UBN2: variants seen among roughly 807,000 people sequenced by gnomAD.
UBN2 encodes the protein ubinuclein-2.
UBN2 carries 35 observed loss-of-function variants against 120.2 expected under a neutral mutation model. The ratio of observed to expected loss-of-function variants is 0.29; its 90% CI spans 0.22 to 0.39. The LOEUF (loss-of-function observed/expected upper bound fraction) is 0.39, where lower values mean the gene tolerates loss of function less well. Ranked by LOEUF, UBN2 falls within the 10% of genes least tolerant of loss-of-function variation. The probability of loss-of-function intolerance (pLI) is 1.00; values close to 1 mark genes in which losing one functional copy is unlikely to be tolerated. For synonymous variants in UBN2, 661 were observed against 648.7 expected (o/e 1.02, Z -0.29); for missense variants, 1,693 against 1,663.2 (o/e 1.02, Z -0.31).
rs545165259 is a variant in UBN2 at position 139,302,044 on chromosome 7, C to T, written c.*4208C>T. The T allele has an allele frequency of 6.6e-6, 1 of 152,212 alleles. No homozygotes were observed. The highest frequency in any genetic ancestry group is 6.5e-5 in the Admixed American group (1 of 15,292). 9.4% of individuals were successfully genotyped at this position (152,212 alleles called of 1,614,324 possible). A position where few individuals can be genotyped will look rare whatever the true frequency, so the allele number is the denominator to read the frequency against. On this transcript the variant is annotated 3_prime_UTR_variant, in exon 18 of 18. Coordinates refer to ENST00000473989, the MANE Select transcript of UBN2 (RefSeq NM_173569.4). ...CTCTGGTAAAATGCTTATATTACTC[C>T]TCTAAAACATGCTCAATTCAGGCCT...
chr7:139,262,135 G>A (rs1027417148), intron 6 of UBN2, among the ~76,000 whole-genome samples: 2 of 151,364 alleles, frequency 1.3e-5, no homozygotes, highest in African/African-American at 2.4e-5. Context: ...GCCTTGCTCC[G>A]TCGTCACACA....
the UBN2 span, among the ~76,000 whole-genome samples, chr7:139,326,885 T>C: frequency 6.6e-6 from 1 of 152,286 alleles, no homozygotes; most frequent in East Asian, 1.9e-4. Context: ...CCTGGGATTG[T>C]TTTCACTGAA....
In UBN2 at chr7:139,283,791, C is replaced by G. The variant is rs758714306; in HGVS notation, c.2886C>G (p.Pro962=). Residue 962 remains proline, a synonymous_variant, in exon 15 of 18, where the codon CCC becomes CCG. Coordinates refer to ENST00000473989, the MANE Select transcript of UBN2 (RefSeq NM_173569.4). ...TNPVVKLSNN[P]QLSCSSSLIK... The stretch of plus-strand genomic sequence containing the variant: ...CCGTCGTGAAGTTAAGTAATAATCC[C>G]CAACTCTCCTGTTCCTCCTCACTTA... The G allele has an allele frequency of 1.9e-5, 30 of 1,613,952 alleles. No homozygotes were observed. The highest frequency in any genetic ancestry group is 2.5e-5 in the Non-Finnish European group (30 of 1,180,028).
At chr7:139,276,289 T>G in intron 12 of UBN2, 142 bp downstream of exon 12, 1 of 776,074 alleles carries the variant, frequency 1.3e-6, no homozygotes, top group Non-Finnish European at 2.2e-6. Flanking sequence ...TCAGAACACA[T>G]TTATCTATTG....
At chr7:139,237,171 G>A in intron 2 of UBN2, 74 bp downstream of exon 2, 2 of 1,034,506 alleles carry the variant, frequency 1.9e-6, no homozygotes, top group Non-Finnish European at 2.9e-6. Context: ...TGGTTGGGAG[G>A]GCCTATAAAT....
rs1796007663 is a variant in UBN2, at chr7:139,231,512, A to G, written c.28A>G (p.Ile10Val). ...GGCGGAGCCGCGCAGAGTAGCGTTC[A>G]TTAGCTTGTCACCGGTGCGGCGGCG... Reference protein sequence around the residue: MAEPRRVAFISLSPVRRREA... With the variant: MAEPRRVAFVSLSPVRRREA... Residue 10 changes from isoleucine (I) to valine (V), a missense_variant, in exon 1 of 18, where the codon ATT becomes GTT. Physicochemically the swap from Ile to Val is conservative, Grantham distance 29 (BLOSUM62 3). Around this residue, in one of 5 missense-constraint regions of UBN2, gnomAD observed 663 missense variants for 591.2 expected, o/e 1.12. Coordinates refer to ENST00000473989, the MANE Select transcript of UBN2 (RefSeq NM_173569.4). 2.1e-6 allele frequency: 3 copies of G among 1,417,398 alleles called. No homozygotes were observed. The highest frequency in any genetic ancestry group is 1.5e-5 in the African/African-American group (1 of 67,418). The allele number at this position is 1,417,398 out of a possible 1,614,324, so 87.8% of individuals were successfully genotyped here. A position where few individuals can be genotyped will look rare whatever the true frequency, so the allele number is the denominator to read the frequency against.
chr7:139,327,182 T>C, the UBN2 span, among the ~76,000 whole-genome samples: 1 of 152,094 alleles, frequency 6.6e-6, no homozygotes, highest in Non-Finnish European at 1.5e-5. Context: ...TACAGGCATG[T>C]GCCACCACAC....
At chr7:139,232,069 G>C (rs1796035901) in intron 1 of UBN2, 117 bp downstream of exon 1, 2 of 950,970 alleles carry the variant, frequency 2.1e-6, no homozygotes, top group Non-Finnish European at 3.0e-6. Context: ...CCCCGAGGGT[G>C]GGGTGCGGGG....
At position 139,254,242 on chromosome 7, in the gene UBN2, G is replaced by A. The variant is rs368707245; in HGVS notation, c.663+2185G>A. On this transcript the variant is annotated intron_variant, in intron 3 of 17. Coordinates refer to ENST00000473989, the MANE Select transcript of UBN2 (RefSeq NM_173569.4). The stretch of plus-strand genomic sequence containing the variant: ...CGGGAGGCGGAGCTTGCAGTGAGCC[G>A]AGATCGCGCCACTGTACTCCAGCCT... Among the ~76,000 whole-genome samples, 36 of 152,148 alleles carry A rather than the reference G, an allele frequency of 2.4e-4. No homozygotes were observed. In the South Asian group the frequency reaches 7.3e-3, roughly 31 times the overall value.
Position 139,289,962 on chromosome 7 carries a change from C to T in UBN2, c.3670-3270C>T, listed in dbSNP as rs974387593. ...AGGCTAGAGTGCAGTGGCACAATCT[C>T]GGCTCACTGCAACCTCTGCCTCCCA... On this transcript the variant is annotated intron_variant, in intron 15 of 17. Transcript: ENST00000473989. Among the ~76,000 whole-genome samples, 7 of 151,712 alleles carry T rather than the reference C, an allele frequency of 4.6e-5. No individual in the cohort carries two copies. The East Asian group carries it at 5.8e-4, about 13-fold the overall frequency.
intron 3 of UBN2, among the ~76,000 whole-genome samples, chr7:139,255,491 T>G (rs1475219802): frequency 1.3e-5 from 2 of 152,178 alleles, no homozygotes; most frequent in Non-Finnish European, 2.9e-5. Context: ...CAGGATAAAT[T>G]TTGTAGATAC....
intron 2 of UBN2, 112 bp from the exon 3 acceptor site, chr7:139,251,844 C>A: frequency 1.1e-6 from 1 of 892,798 alleles, no homozygotes; most frequent in South Asian, 1.5e-5. Flanking sequence ...CTTAAACCTC[C>A]TGGAGAGGGG....
chr7:139,265,388 G>A (rs73466698), intron 6 of UBN2, among the ~76,000 whole-genome samples: 2,340 of 152,216 alleles, frequency 0.015, 61 homozygotes, highest in African/African-American at 0.054. Flanking sequence ...TGAGGCAGGA[G>A]GATCACCTAA....
chr7:139,256,825 C>A (rs1009004439), intron 3 of UBN2, among the ~76,000 whole-genome samples: 2 of 151,998 alleles, frequency 1.3e-5, no homozygotes, highest in African/African-American at 4.8e-5. Flanking sequence ...TAGTTTTTTT[C>A]TTTTACCTTT....
rs188263889 is a variant in UBN2 at position 139,262,246 on chromosome 7, C to T, written c.1395+505C>T. Among the ~76,000 whole-genome samples, 8 of 152,050 alleles carry T rather than the reference C, an allele frequency of 5.3e-5. No individual in the cohort carries two copies. The East Asian group carries it at 5.8e-4, about 11-fold the overall frequency. On this transcript the variant is annotated intron_variant, in intron 6 of 17. Coordinates refer to ENST00000473989, the MANE Select transcript of UBN2 (RefSeq NM_173569.4). The stretch of plus-strand genomic sequence containing the variant: ...TCCCAAATATCTGGGATTACAGGTG[C>T]GCACCATCTCCCCCGGCTAATTTTT...
intron 8 of UBN2, among the ~76,000 whole-genome samples, chr7:139,271,804 T>C (rs1401368003): frequency 6.6e-6 from 1 of 152,192 alleles, no homozygotes; most frequent in East Asian, 1.9e-4. Flanking sequence ...CCTTTCACTT[T>C]GGCCTTGACC....
In UBN2 at chr7:139,263,284, T is replaced by C. The variant is rs572673004; in HGVS notation, c.1395+1543T>C. Among the ~76,000 whole-genome samples the C allele has an allele frequency of 1.1e-3, 161 of 152,344 alleles. 2 individuals carry two copies. The highest frequency in any genetic ancestry group is 3.7e-3 in the African/African-American group (152 of 41,580). ...GTGTATGCTAAATTTCAACACTCTT[T>C]AATTGCCTACTTTATGCCAGGTACT... On this transcript the variant is annotated intron_variant, in intron 6 of 17. Coordinates refer to ENST00000473989, the MANE Select transcript of UBN2 (RefSeq NM_173569.4).
chr7:139,278,623 A>C lies in UBN2; in HGVS notation c.2025-695A>C, dbSNP rs189928941. 6.9e-3 allele frequency among the ~76,000 whole-genome samples: 1,052 copies of C among 152,272 alleles called. 9 individuals are homozygous for C. Among genetic ancestry groups the C allele is most frequent in the Non-Finnish European group, 0.011 (750 of 68,004 alleles). On this transcript the variant is annotated intron_variant, in intron 12 of 17. Coordinates refer to ENST00000473989, the MANE Select transcript of UBN2 (RefSeq NM_173569.4). ...TTTCCCTAAATGGCCTTCATAAAAA[A>C]AAAAAACATAGAAAATTACTGTTGC...
Position 139,283,279 on chromosome 7 carries a change from A to G in UBN2, c.2374A>G (p.Met792Val), listed in dbSNP as rs771460473. ...KGPPVGSRIS[M>V]PTTKPRPGLR... ...CCCTCCAGTTGGCTCAAGGATAAGC[A>G]TGCCAACCACAAAGCCTCGTCCAGG... The change falls in exon 15 of 18, where the codon ATG becomes GTG. Residue 792 changes from methionine to valine, a missense_variant. Physicochemically the swap from Met to Val is conservative, Grantham distance 21. Coordinates refer to ENST00000473989, the MANE Select transcript of UBN2 (RefSeq NM_173569.4). The G allele has an allele frequency of 1.9e-6, 3 of 1,613,754 alleles. No individual in the cohort carries two copies. The African/African-American group carries it at 4.0e-5, about 22-fold the overall frequency.
Sources: allele counts gnomAD v4.1 joint callset (sites outside exome capture counted in the v4.1 genomes callset), GRCh38; gene constraint gnomAD v4.1.1; regional missense constraint gnomAD v4.1.1; transcripts MANE v1.5; gene names NCBI Gene and HGNC (gene_info 2026-07-23, HGNC 2026-07-21).